Variants in DOCK9 observed in about 807,000 individuals in gnomAD.
DOCK9 encodes dedicator of cytokinesis 9.
Under a neutral mutation model 263.3 loss-of-function variants are expected in DOCK9, and 89 were observed. That is an observed-to-expected ratio of 0.34 (90% CI 0.28 to 0.40). DOCK9 has a LOEUF of 0.40. Ranked by LOEUF, DOCK9 falls within the 10% of genes least tolerant of loss-of-function variation. The probability of loss-of-function intolerance (pLI) is 1.00; values close to 1 mark genes in which losing one functional copy is unlikely to be tolerated. For synonymous variants in DOCK9, 976 were observed against 973.1 expected (o/e 1.00, Z -0.06); for missense variants, 2,140 against 2,603.4 (o/e 0.82, Z 3.87).
At chr13:99,021,406 A>G (rs866254359) in intron 1 of DOCK9, among the ~76,000 whole-genome samples, 4 of 152,232 alleles carry the variant, frequency 2.6e-5, no homozygotes, top group South Asian at 2.1e-4. Context: ...TTGGGAGGCC[A>G]AGGCGGATGG....
intron 27 of DOCK9, among the ~76,000 whole-genome samples, chr13:98,869,810 G>A (rs1411821655): frequency 1.3e-5 from 2 of 152,196 alleles, no homozygotes; most frequent in African/African-American, 2.4e-5. Flanking sequence ...GCCTTGTTTA[G>A]GCCATGCTCC....
intron 45 of DOCK9, among the ~76,000 whole-genome samples, chr13:98,821,256 T>TG (rs1315218893): frequency 6.6e-6 from 1 of 152,098 alleles, no homozygotes; most frequent in Non-Finnish European, 1.5e-5. Context: ...AGTAGGAGGC[T>TG]GGGGGGCAGG....
upstream of DOCK9, among the ~76,000 whole-genome samples, chr13:98,981,269 C>A (rs1414888689): frequency 6.6e-6 from 1 of 152,082 alleles, no homozygotes; most frequent in Non-Finnish European, 1.5e-5. Flanking sequence ...GTTGCCCAAG[C>A]TGGTCTCAAA....
chr13:98,869,437 C>T (rs1226159044), intron 27 of DOCK9, among the ~76,000 whole-genome samples: 1 of 152,200 alleles, frequency 6.6e-6, no homozygotes, highest in Non-Finnish European at 1.5e-5. Flanking sequence ...CCACAGAATC[C>T]AAAACTTGGG....
chr13:99,010,223 C>G (rs990176462), intron 1 of DOCK9, among the ~76,000 whole-genome samples: 7 of 152,216 alleles, frequency 4.6e-5, no homozygotes, highest in Admixed American at 1.3e-4. Flanking sequence ...TTGGCAAAAA[C>G]AGAACATGTT....
chr13:98,898,161 ATAAAAGGTG>A lies in DOCK9; in HGVS notation c.1586+9_1586+17del. On this transcript the variant is annotated intron_variant, in intron 14 of 52. Transcript: ENST00000682017. ...ACCTATCTATATCGATTTAAAAGGT[ATAAAAGGTG>A]TTCCTTACCTTGCTGCCCAAGCAAA... 1 of 1,590,078 alleles carries A rather than the reference ATAAAAGGTG, an allele frequency of 6.3e-7. No individual in the cohort carries two copies. The highest frequency in any genetic ancestry group is 8.6e-7 in the Non-Finnish European group (1 of 1,161,824).
Position 98,868,286 on chromosome 13 carries a change from C to A in DOCK9, c.3035G>T (p.Arg1012Leu). 6.2e-7 allele frequency: 1 copy of A among 1,613,890 alleles called. No homozygotes were observed. Among genetic ancestry groups the A allele is most frequent in the Non-Finnish European group, 8.5e-7 (1 of 1,179,870 alleles). The change falls in exon 28 of 53, where the codon CGA (arginine) becomes CTA (leucine). Residue 1012 changes from arginine to leucine, a missense_variant. Arg to Leu is a moderately radical substitution (Grantham distance 102). Coordinates refer to ENST00000682017, the MANE Select transcript of DOCK9 (RefSeq NM_001366683.2). ...GTTCTTAGATGCCTCTGGATTATCT[C>A]GAAACTTCTGAGTGATGTGTGGCAT... ...MLMPHITQKF[R>L]DNPEASKNAN...
chr13:99,054,875 G>C (rs917207876), intron 1 of DOCK9, among the ~76,000 whole-genome samples: 3 of 152,088 alleles, frequency 2.0e-5, no homozygotes, highest in African/African-American at 7.2e-5. Flanking sequence ...ATATCCCACA[G>C]AGAAGACAAA....
chr13:98,924,114 A>T (rs767374183), intron 4 of DOCK9, among the ~76,000 whole-genome samples: 4 of 152,260 alleles, frequency 2.6e-5, no homozygotes, highest in Non-Finnish European at 5.9e-5. Flanking sequence ...AAGAGGATCA[A>T]CAAAGATGGG....
chr13:98,946,036 C>T (rs1288193141), intron 2 of DOCK9, among the ~76,000 whole-genome samples: 2 of 97,150 alleles, frequency 2.1e-5, no homozygotes, highest in South Asian at 3.5e-4. Context: ...CCAAGCCTCG[C>T]GGGGGAGACA....
Position 98,922,116 on chromosome 13 carries a change from C to A in DOCK9, c.517G>T (p.Gly173Trp). 1 of 1,600,110 alleles carries A rather than the reference C, an allele frequency of 6.2e-7. No homozygotes were observed. Among genetic ancestry groups the A allele is most frequent in the South Asian group, 1.1e-5 (1 of 87,754 alleles). Reference sequence around the variant, plus strand: ...TACAGCCAGCCATGCTTGGTGATCCCACCCTTCTGGGAACCAAGGGAGGCA... The same window carrying A: ...TACAGCCAGCCATGCTTGGTGATCCAACCCTTCTGGGAACCAAGGGAGGCA... ...DAASLGSQKG[G>W]ITKHGWLYKG... The change falls in exon 6 of 53, where the codon GGG becomes TGG. Residue 173 changes from glycine (G) to tryptophan (W), a missense_variant. Coordinates refer to ENST00000682017, the MANE Select transcript of DOCK9 (RefSeq NM_001366683.2).
Position 98,797,157 on chromosome 13 carries a change from G to GTAGT in DOCK9, c.6110_6113dup (p.Tyr2038Ter). 6.2e-7 allele frequency: 1 copy of GTAGT among 1,613,962 alleles called. No individual in the cohort carries two copies. Among genetic ancestry groups the GTAGT allele is most frequent in the Non-Finnish European group, 8.5e-7 (1 of 1,179,890 alleles). On this transcript the variant is annotated stop_gained and frameshift_variant, in exon 52 of 53. Coordinates refer to ENST00000682017, the MANE Select transcript of DOCK9 (RefSeq NM_001366683.2). LOFTEE classifies it high-confidence loss of function. ...CAGAAAGCTCCTTCGCCATTTCCCT[G>GTAGT]TAGTTGGCTTTCATTTCTTCCTGAT...
At chr13:98,955,837 T>C (rs751118983) in intron 1 of DOCK9, among the ~76,000 whole-genome samples, 3 of 152,232 alleles carry the variant, frequency 2.0e-5, no homozygotes, top group Non-Finnish European at 4.4e-5. Context: ...ACTAGCTATG[T>C]CCCCTTCCAA....
chr13:99,038,023 G>T (rs1195291861), intron 1 of DOCK9, among the ~76,000 whole-genome samples: 4 of 152,038 alleles, frequency 2.6e-5, no homozygotes, highest in African/African-American at 9.7e-5. Context: ...ATGTGGTAAT[G>T]GTTTTACAGA....
intron 38 of DOCK9, among the ~76,000 whole-genome samples, chr13:98,842,387 T>C (rs796366506): frequency 1.7e-4 from 26 of 152,346 alleles, no homozygotes; most frequent in African/African-American, 6.3e-4. Context: ...TATCTGCAAC[T>C]TGACCCAGTA....
chr13:98,983,406 C>T (rs1488017219), intron 1 of DOCK9, among the ~76,000 whole-genome samples: 1 of 151,982 alleles, frequency 6.6e-6, no homozygotes, highest in Non-Finnish European at 1.5e-5. Context: ...GAGAGCAGAA[C>T]GGCACTGCAG....
At position 99,059,719 on chromosome 13, in the gene DOCK9, T is replaced by C. The variant is rs192199492; in HGVS notation, c.129+26504A>G. ...AACTCATCCAAAGCATACAATTCAG[T>C]CATTTTACTATATATCCACAAAGTC... On this transcript the variant is annotated intron_variant, in intron 1 of 32. Transcript: ENST00000427887. Among the ~76,000 whole-genome samples, 322 of 152,274 alleles carry C rather than the reference T, an allele frequency of 2.1e-3. 4 individuals carry two copies. The highest frequency in any genetic ancestry group is 6.3e-4 in the Non-Finnish European group (43 of 68,018).
intron 38 of DOCK9, among the ~76,000 whole-genome samples, chr13:98,844,454 C>A (rs1282391160): frequency 6.6e-6 from 1 of 152,118 alleles, no homozygotes; most frequent in African/African-American, 2.4e-5. Flanking sequence ...ACCTCAGCCC[C>A]CCAGGTTCAA....
intron 21 of DOCK9, among the ~76,000 whole-genome samples, chr13:98,884,313 A>G (rs2045337746): frequency 6.6e-6 from 1 of 152,178 alleles, no homozygotes; most frequent in Non-Finnish European, 1.5e-5. Flanking sequence ...ACTAATTTCA[A>G]CTTTTGAAAC....
Sources: allele counts gnomAD v4.1 joint callset (sites outside exome capture counted in the v4.1 genomes callset), GRCh38; gene constraint gnomAD v4.1.1; transcripts MANE v1.5; gene names NCBI Gene and HGNC (gene_info 2026-07-23, HGNC 2026-07-21).